Variants in FRMPD2 observed in about 807,000 individuals in gnomAD.
The protein encoded by FRMPD2 is FERM and PDZ domain containing 2.
Under a neutral mutation model 140.1 loss-of-function variants are expected in FRMPD2, and 96 were observed. That is an observed-to-expected ratio of 0.69 (90% CI 0.58 to 0.81). FRMPD2 has a LOEUF of 0.81. Among genes scored for constraint, FRMPD2 ranks in the 40% least tolerant of loss-of-function variants. The probability of loss-of-function intolerance (pLI) is 0.00; values close to 1 mark genes in which losing one functional copy is unlikely to be tolerated. For missense variants in FRMPD2, 1,240 were observed against 1,447.4 expected (o/e 0.86, Z 2.32); for synonymous variants, 449 against 547.6 (o/e 0.82, Z 2.52).
intron 13 of FRMPD2, among the ~76,000 whole-genome samples, chr10:48,208,914 T>C (rs1293510076): frequency 2.0e-5 from 3 of 152,192 alleles, no homozygotes; most frequent in Non-Finnish European, 4.4e-5. Context: ...AACAAATGGA[T>C]TGTTATTTCT....
rs562699786 is a variant in FRMPD2 at position 48,204,114 on chromosome 10, T to C, written c.1797+2634A>G. Among the ~76,000 whole-genome samples the C allele has an allele frequency of 1.2e-4, 19 of 152,274 alleles. 1 individual carries two copies. The South Asian group carries it at 3.9e-3, about 32-fold the overall frequency. Reference sequence around the variant, plus strand: ...AGATGAAATTGACCATGCCCTATAATACCCAGCCCCCGAAGGAAGCATGAG... The same window carrying C: ...AGATGAAATTGACCATGCCCTATAACACCCAGCCCCCGAAGGAAGCATGAG... On this transcript the variant is annotated intron_variant, in intron 14 of 28. Transcript: ENST00000374201.
intron 1 of FRMPD2, among the ~76,000 whole-genome samples, chr10:48,262,088 G>A (rs1473733660): frequency 6.6e-6 from 1 of 152,042 alleles, no homozygotes; most frequent in Non-Finnish European, 1.5e-5. Flanking sequence ...TTATAAATAT[G>A]GTGGCTATTA....
chr10:48,210,793 C>T (rs1463636717), intron 13 of FRMPD2, among the ~76,000 whole-genome samples: 2 of 152,232 alleles, frequency 1.3e-5, no homozygotes, highest in African/African-American at 4.8e-5. Context: ...AAGGCCCAAC[C>T]TCATGTTGGC....
intron 9 of FRMPD2, among the ~76,000 whole-genome samples, chr10:48,232,676 C>G (rs1839877893): frequency 6.6e-6 from 1 of 152,212 alleles, no homozygotes; most frequent in Admixed American, 6.5e-5. Flanking sequence ...CTGGATCAAT[C>G]TGTCGATCTG....
chr10:48,257,692 T>C (rs1588858619), intron 1 of FRMPD2, among the ~76,000 whole-genome samples: 3 of 152,280 alleles, frequency 2.0e-5, no homozygotes, highest in Admixed American at 2.0e-4. Context: ...GAGGTTGAAT[T>C]CTTAGCTCCT....
chr10:48,267,636 C>A (rs916560370), intron 1 of FRMPD2, among the ~76,000 whole-genome samples: 5 of 152,292 alleles, frequency 3.3e-5, no homozygotes, highest in East Asian at 1.9e-4. Context: ...AAAACACCAA[C>A]AATCCAATTT....
intron 12 of FRMPD2, among the ~76,000 whole-genome samples, chr10:48,219,234 CTT>C (rs56740008): frequency 5.6e-5 from 8 of 144,098 alleles, no homozygotes; most frequent in African/African-American, 1.0e-4. Flanking sequence ...TTCTTTCTTT[CTT>C]TTTTTTTTTT....
chr10:48,218,983 C>G (rs17697438), intron 12 of FRMPD2, among the ~76,000 whole-genome samples: 23,487 of 152,182 alleles, frequency 0.15, 1,942 homozygotes, highest in Non-Finnish European at 0.18. Context: ...GTCCAATCAC[C>G]TGTGCTGGCC....
At chr10:48,229,731 A>G (rs1225289414) in intron 10 of FRMPD2, among the ~76,000 whole-genome samples, 1 of 152,134 alleles carries the variant, frequency 6.6e-6, no homozygotes, top group East Asian at 1.9e-4. Context: ...TTATCTGTAA[A>G]TTGCTGGTTA....
intron 1 of FRMPD2, among the ~76,000 whole-genome samples, chr10:48,265,128 C>G (rs140604862): frequency 6.6e-4 from 101 of 152,198 alleles, no homozygotes; most frequent in Middle Eastern, 3.4e-3. Context: ...ACTTCTTATT[C>G]AGTAAATGGT....
chr10:48,211,731 A>G (rs781324132), intron 13 of FRMPD2, among the ~76,000 whole-genome samples: 40 of 152,114 alleles, frequency 2.6e-4, no homozygotes, highest in Middle Eastern at 6.8e-3. Flanking sequence ...GCCCTACCAC[A>G]CCCACCCCAG....
chr10:48,206,610 C>A (rs1839204537), intron 14 of FRMPD2, 138 bp downstream of exon 14: 2 of 675,752 alleles, frequency 3.0e-6, no homozygotes, highest in African/African-American at 1.8e-5. Context: ...CATCAGAATG[C>A]AGGTTAACAA....
rs145132884 is a variant in FRMPD2 at position 48,229,619 on chromosome 10, A to G, written c.1168+2496T>C. 7.7e-3 allele frequency among the ~76,000 whole-genome samples: 1,176 copies of G among 152,260 alleles called. 17 individuals are homozygous for G. Among genetic ancestry groups the G allele is most frequent in the African/African-American group, 0.026 (1,076 of 41,562 alleles). ...ATATTTATAAATATAGTTTTGATATAAATGTTCCTAAAATTGTACAAAATT... is the reference window on the plus strand; with the variant it reads ...ATATTTATAAATATAGTTTTGATATGAATGTTCCTAAAATTGTACAAAATT... On this transcript the variant is annotated intron_variant, in intron 10 of 28. Transcript: ENST00000374201.
chr10:48,160,390 C>T (rs1170101855), intron 28 of FRMPD2, among the ~76,000 whole-genome samples: 11 of 151,098 alleles, frequency 7.3e-5, no homozygotes, highest in South Asian at 4.2e-4. Flanking sequence ...TGGTAAGTTC[C>T]GGCAATTTGC....
chr10:48,239,722 G>A (rs1189941962), intron 6 of FRMPD2, 30 bp from the exon 7 acceptor site: 5 of 1,548,902 alleles, frequency 3.2e-6, no homozygotes, highest in Non-Finnish European at 4.5e-6. Flanking sequence ...GAGGGTATGG[G>A]CAGAAGCCAA....
intron 1 of FRMPD2, among the ~76,000 whole-genome samples, chr10:48,253,481 A>G (rs1018505681): frequency 6.6e-6 from 1 of 152,212 alleles, no homozygotes; most frequent in African/African-American, 2.4e-5. Flanking sequence ...TTAACTAGCC[A>G]CACCAGCCTC....
At chr10:48,241,148 G>A (rs1296955123) in intron 5 of FRMPD2, among the ~76,000 whole-genome samples, 1 of 152,122 alleles carries the variant, frequency 6.6e-6, no homozygotes. Flanking sequence ...GGAGCCACAT[G>A]TTCCTATGCC....
rs1329616514 is a variant in FRMPD2, at chr10:48,192,863, C to T, written c.1986G>A (p.Leu662=). ...TAGACCGGGCCTGGTGTGCAGGACT[C>T]AAATTGGCCATTTGCACAAACTTAT... is the stretch of plus-strand genomic sequence containing the variant. ...DHDKFVQMAN[L]SPAHQARSKP... Residue 662 remains leucine (L), a synonymous_variant, in exon 16 of 29, where the codon TTG becomes TTA. Transcript: ENST00000374201. 3.7e-6 allele frequency: 6 copies of T among 1,613,902 alleles called. No individual in the cohort carries two copies. In the African/African-American group the frequency reaches 4.0e-5, roughly 11 times the overall value.
At chr10:48,174,749 T>TA in intron 24 of FRMPD2, 121 bp downstream of exon 24, 1 of 869,038 alleles carries the variant, frequency 1.2e-6, no homozygotes, top group Non-Finnish European at 1.9e-6. Context: ...AAAAAAAAAC[T>TA]AACAAAGAAA....
Sources: allele counts gnomAD v4.1 joint callset (sites outside exome capture counted in the v4.1 genomes callset), GRCh38; gene constraint gnomAD v4.1.1; transcripts MANE v1.5; gene names NCBI Gene and HGNC (gene_info 2026-07-23, HGNC 2026-07-21).